The following GPAM variants were observed in gnomAD, a reference collection of about 807,000 sequenced individuals.
GPAM encodes glycerol-3-phosphate acyltransferase 1, mitochondrial.
In GPAM, 56 loss-of-function variants were observed where a neutral mutation model predicts 105.0. The observed-to-expected ratio is 0.53, with a 90% CI of 0.43 to 0.67. GPAM has a LOEUF of 0.67. Among genes scored for constraint, GPAM ranks in the 30% least tolerant of loss-of-function variants. The probability of loss-of-function intolerance (pLI) is 0.00; values close to 1 mark genes in which losing one functional copy is unlikely to be tolerated. For missense variants in GPAM, 855 were observed against 989.8 expected, an observed-to-expected ratio of 0.86 and a Z score of 1.83; for synonymous variants, 368 against 354.4, an observed-to-expected ratio of 1.04 and a Z score of -0.43.
In GPAM at chr10:112,161,731, C is replaced by T. The variant is rs748464378; in HGVS notation, c.1430G>A (p.Ser477Asn). 4 of 1,614,038 alleles carry T rather than the reference C, an allele frequency of 2.5e-6. No homozygotes were observed. The highest frequency in any genetic ancestry group is 2.5e-6 in the Non-Finnish European group (3 of 1,179,870). ...NLAEHILFTA[S>N]KSCAIMSTHI... ...TGTGGACATAATGGCACAGGACTTG[C>T]TAGCAGCTGGAAGGCAAACACAAAG... Residue 477 changes from serine (S) to asparagine (N), a missense_variant, in exon 15 of 22, where the codon AGC becomes AAC. Transcript: ENST00000348367.
upstream of GPAM, chr10:112,183,891 G>C (rs75036114): frequency 1.9e-3 from 284 of 152,576 alleles, 1 homozygote; most frequent in Non-Finnish European, 3.6e-3. Context: ...GTGTGTACTC[G>C]AGTGTGCGTG....
At chr10:112,178,634 T>C (rs1847450626) in intron 4 of GPAM, among the ~76,000 whole-genome samples, 1 of 152,102 alleles carries the variant, frequency 6.6e-6, no homozygotes, top group Non-Finnish European at 1.5e-5. Flanking sequence ...GCTGCTTGAC[T>C]CCTCATCTCC....
intron 12 of GPAM, among the ~76,000 whole-genome samples, chr10:112,165,361 A>G (rs1395378842): frequency 6.6e-6 from 1 of 152,142 alleles, no homozygotes; most frequent in African/African-American, 2.4e-5. Flanking sequence ...TCTACACAAT[A>G]GGACATAGAG....
In GPAM at chr10:112,160,631, G is replaced by A. The variant is rs1265084549; in HGVS notation, c.1732C>T (p.His578Tyr). ...ELNFYSNGVL[H>Y]VFIMEAIIAC... ...ATGATGGCCTCCATGATAAAGACAT[G>A]AAGTACCCCATTGCTGTAGAAGTTG... The change falls in exon 16 of 22, where the codon CAT (histidine) becomes TAT (tyrosine). Residue 578 changes from histidine (H) to tyrosine (Y), a missense_variant. Physicochemically the swap from His to Tyr is moderately conservative, Grantham distance 83 (BLOSUM62 2). Coordinates refer to ENST00000348367, the MANE Select transcript of GPAM (RefSeq NM_001244949.2). 2.5e-6 allele frequency: 4 copies of A among 1,613,232 alleles called. No individual in the cohort carries two copies. The highest frequency in any genetic ancestry group is 3.4e-6 in the Non-Finnish European group (4 of 1,179,184).
At chr10:112,209,582 G>A (rs1847888707) in intron 1 of GPAM, among the ~76,000 whole-genome samples, 1 of 152,134 alleles carries the variant, frequency 6.6e-6, no homozygotes, top group African/African-American at 2.4e-5. Context: ...GTGGGGAGAA[G>A]CCAGCCTCCT....
intron 1 of GPAM, among the ~76,000 whole-genome samples, chr10:112,200,104 C>G (rs930097800): frequency 6.8e-6 from 1 of 147,840 alleles, no homozygotes; most frequent in African/African-American, 2.5e-5. Context: ...CAACTGGAGA[C>G]AGGAGTACAT....
the GPAM span, among the ~76,000 whole-genome samples, chr10:112,222,711 T>C: frequency 6.6e-6 from 1 of 152,176 alleles, no homozygotes; most frequent in East Asian, 1.9e-4. Flanking sequence ...TATGTATATT[T>C]GCTTGTTCAG....
chr10:112,227,423 C>T, the GPAM span, among the ~76,000 whole-genome samples: 1 of 152,230 alleles, frequency 6.6e-6, no homozygotes, highest in African/African-American at 2.4e-5. Context: ...CTGCCCTCTC[C>T]TGGGACCTCC....
rs910364331 is a variant in GPAM at position 112,206,880 on chromosome 10, C to G, written n.210+8288G>C. On this transcript the variant is annotated intron_variant and non_coding_transcript_variant, in intron 1 of 3. Coordinates refer to the GPAM transcript ENST00000480130. ...AAACAGGGATTCTATCTTCTTCACT[C>G]TACCTCCATGCCTGTGCAAATAATT... 3.3e-5 allele frequency among the ~76,000 whole-genome samples: 5 copies of G among 151,474 alleles called. No homozygotes were observed. The East Asian group carries it at 5.8e-4, about 18-fold the overall frequency.
chr10:112,210,846 T>C (rs1240934161), intron 1 of GPAM, among the ~76,000 whole-genome samples: 1 of 152,204 alleles, frequency 6.6e-6, no homozygotes, highest in East Asian at 1.9e-4. Flanking sequence ...GGGAACATCA[T>C]GAGCCTGGGG....
rs767109481 is a variant in GPAM, at chr10:112,157,322, G to A, written c.2048C>T (p.Pro683Leu). ...EQQWDKKLPE[P>L]LSWRSDEEDE... The stretch of plus-strand genomic sequence containing the variant: ...TTCTTCATCACTTCTCCAAGACAAA[G>A]GTTCTGGAAGCTTCTTGTCCCACTG... Residue 683 changes from proline to leucine, a missense_variant, in exon 19 of 22, where the codon CCT (proline) becomes CTT (leucine). Coordinates refer to ENST00000348367, the MANE Select transcript of GPAM (RefSeq NM_001244949.2). 3.1e-6 allele frequency: 5 copies of A among 1,613,048 alleles called. No homozygotes were observed. The Admixed American group carries it at 6.7e-5, about 22-fold the overall frequency.
upstream of GPAM, among the ~76,000 whole-genome samples, chr10:112,185,835 G>T (rs1847590082): frequency 6.6e-6 from 1 of 151,898 alleles, no homozygotes; most frequent in South Asian, 2.1e-4. Context: ...TATCCAAAAT[G>T]AAACACTAAG....
At chr10:112,165,592 A>G (rs1302205630) in intron 12 of GPAM, among the ~76,000 whole-genome samples, 2 of 152,142 alleles carry the variant, frequency 1.3e-5, no homozygotes, top group Non-Finnish European at 2.9e-5. Flanking sequence ...TAGGAGGCTG[A>G]CGCAGGAGAA....
chr10:112,204,388 A>T (rs1237200342), intron 1 of GPAM, among the ~76,000 whole-genome samples: 1 of 151,640 alleles, frequency 6.6e-6, no homozygotes, highest in Non-Finnish European at 1.5e-5. Flanking sequence ...ATATATCAGC[A>T]CTGGCTTGAG....
chr10:112,160,670 A>G lies in GPAM; in HGVS notation c.1693T>C (p.Ser565Pro). 1 of 1,613,592 alleles carries G rather than the reference A, an allele frequency of 6.2e-7. No homozygotes were observed. Among genetic ancestry groups the G allele is most frequent in the Non-Finnish European group, 8.5e-7 (1 of 1,179,492 alleles). ...FFITPSTTVP[S>P]VFELNFYSNG... ...CTGTAGAAGTTGAGTTCGAAGACTG[A>G]TGGGACAGTTGTGCTGGGGGTGATA... The change falls in exon 16 of 22, where the codon TCA (serine) becomes CCA (proline). Residue 565 changes from serine to proline, a missense_variant. Physicochemically the swap from Ser to Pro is moderately conservative, Grantham distance 74 (BLOSUM62 -1). Coordinates refer to ENST00000348367, the MANE Select transcript of GPAM (RefSeq NM_001244949.2).
chr10:112,208,858 T>C (rs754844096), intron 1 of GPAM, among the ~76,000 whole-genome samples: 3 of 152,136 alleles, frequency 2.0e-5, no homozygotes, highest in Non-Finnish European at 2.9e-5. Context: ...CGAAGGGAAG[T>C]TCCTCAAATT....
the GPAM span, among the ~76,000 whole-genome samples, chr10:112,221,708 G>T: frequency 6.6e-6 from 1 of 152,148 alleles, no homozygotes; most frequent in Non-Finnish European, 1.5e-5. Context: ...TCAACATGTG[G>T]TCTTGGCCAC....
chr10:112,151,743 G>T lies in GPAM; in HGVS notation c.*1807C>A. 1.0e-6 allele frequency: 1 copy of T among 984,976 alleles called. No individual in the cohort carries two copies. The highest frequency in any genetic ancestry group is 1.2e-6 in the Non-Finnish European group (1 of 829,662). 61.0% of individuals were successfully genotyped at this position (984,976 alleles called of 1,614,324 possible). A position where few individuals can be genotyped will look rare whatever the true frequency, so the allele number is the denominator to read the frequency against. On this transcript the variant is annotated 3_prime_UTR_variant, in exon 22 of 22. Transcript: ENST00000348367. ...ATCCTTAATTTACAATTTAAAGGAT[G>T]AAAAAAAGAGACTAGTGAAATGTTT...
At chr10:112,207,659 T>C (rs753809694) in intron 1 of GPAM, among the ~76,000 whole-genome samples, 9 of 152,224 alleles carry the variant, frequency 5.9e-5, no homozygotes, top group Middle Eastern at 3.2e-3. Context: ...CTAAAATGTA[T>C]ATTGTTCGCA....
Sources: gnomAD v4.1 joint callset for allele counts (sites outside exome capture counted in the v4.1 genomes callset) on GRCh38, gnomAD v4.1.1 for gene constraint, MANE v1.5 for transcripts, NCBI Gene and HGNC (gene_info 2026-07-23, HGNC 2026-07-21) for gene names.